MARCHF1: variants seen among roughly 807,000 people sequenced by gnomAD.
MARCHF1 encodes the protein membrane associated ring-CH-type finger 1.
Under a neutral mutation model 54.2 loss-of-function variants are expected in MARCHF1, and 40 were observed. That is an observed-to-expected ratio of 0.74 (90% CI 0.57 to 0.96). MARCHF1 has a LOEUF of 0.96. Among genes scored for constraint, MARCHF1 ranks in the 40% least tolerant of loss-of-function variants. The probability of loss-of-function intolerance (pLI) is 0.00; values close to 1 mark genes in which losing one functional copy is unlikely to be tolerated. For synonymous variants in MARCHF1, 236 were observed against 236.3 expected (o/e 1.00, Z 0.01); for missense variants, 586 against 656.5 (o/e 0.89, Z 1.17).
chr4:163,577,828 A>C (rs1410121623), intron 8 of MARCHF1, among the ~76,000 whole-genome samples: 1 of 151,966 alleles, frequency 6.6e-6, no homozygotes, highest in South Asian at 2.1e-4. Flanking sequence ...TCAAAAGACC[A>C]GTATTCAAGC....
intron 2 of MARCHF1, among the ~76,000 whole-genome samples, chr4:164,050,526 A>G (rs1754341727): frequency 6.6e-6 from 1 of 151,926 alleles, no homozygotes; most frequent in South Asian, 2.1e-4. Context: ...ATGTTATCTC[A>G]TCTCCATTAC....
chr4:163,546,504 C>G (rs1738911878), intron 8 of MARCHF1, among the ~76,000 whole-genome samples: 1 of 152,166 alleles, frequency 6.6e-6, no homozygotes, highest in African/African-American at 2.4e-5. Context: ...CTTGGATTAT[C>G]ACACAACTGG....
intron 2 of MARCHF1, among the ~76,000 whole-genome samples, chr4:164,052,164 T>A (rs548926107): frequency 8.6e-5 from 13 of 152,040 alleles, no homozygotes; most frequent in African/African-American, 2.2e-4. Context: ...TTGTATTTTT[T>A]AAAAAAATAT....
At chr4:163,837,165 T>C (rs1239736867) in intron 4 of MARCHF1, among the ~76,000 whole-genome samples, 2 of 152,146 alleles carry the variant, frequency 1.3e-5, no homozygotes, top group Non-Finnish European at 2.9e-5. Flanking sequence ...GGAAGCAATA[T>C]GTGTCAGAAG....
At chr4:163,664,435 A>C (rs930380980) in intron 5 of MARCHF1, among the ~76,000 whole-genome samples, 2 of 152,110 alleles carry the variant, frequency 1.3e-5, no homozygotes, top group African/African-American at 4.8e-5. Context: ...ATGACAAAGA[A>C]TGCTTAAATA....
chr4:163,770,536 AC>A (rs1747125090), intron 4 of MARCHF1, among the ~76,000 whole-genome samples: 1 of 132,782 alleles, frequency 7.5e-6, no homozygotes, highest in African/African-American at 2.8e-5. Flanking sequence ...ACACACACAC[AC>A]ACACACACAC....
intron 3 of MARCHF1, among the ~76,000 whole-genome samples, chr4:163,986,389 T>C (rs1183388728): frequency 6.6e-6 from 1 of 150,850 alleles, no homozygotes; most frequent in Non-Finnish European, 1.5e-5. Context: ...CTCAGCCTCC[T>C]GAGTAGCTGG....
intron 1 of MARCHF1, among the ~76,000 whole-genome samples, chr4:164,195,740 A>T (rs1315291321): frequency 6.6e-6 from 1 of 152,198 alleles, no homozygotes; most frequent in Non-Finnish European, 1.5e-5. Flanking sequence ...GACACTTCAC[A>T]TATGGTCCCT....
intron 1 of MARCHF1, among the ~76,000 whole-genome samples, chr4:164,340,737 T>C (rs1561009065): frequency 6.6e-6 from 1 of 151,702 alleles, no homozygotes; most frequent in African/African-American, 2.4e-5. Flanking sequence ...TTTCATATTT[T>C]TAATAGAGAC....
intron 3 of MARCHF1, among the ~76,000 whole-genome samples, chr4:163,903,599 C>A (rs200493445): frequency 1.9e-5 from 2 of 105,400 alleles, no homozygotes; most frequent in African/African-American, 8.6e-5. Flanking sequence ...TTTATTTTTT[C>A]TTTCTTTCTT....
intron 1 of MARCHF1, among the ~76,000 whole-genome samples, chr4:164,252,351 A>AAACAT (rs1217623989): frequency 7.5e-6 from 1 of 133,928 alleles, no homozygotes; most frequent in Non-Finnish European, 1.6e-5. Context: ...AAACAAAACA[A>AAACAT]AACAAAGCAA....
intron 1 of MARCHF1, among the ~76,000 whole-genome samples, chr4:164,264,818 G>T (rs1349838603): frequency 6.6e-6 from 1 of 151,886 alleles, no homozygotes; most frequent in Non-Finnish European, 1.5e-5. Context: ...TACTAGGGAG[G>T]CTGAGGTAGG....
intron 1 of MARCHF1, among the ~76,000 whole-genome samples, chr4:164,235,073 A>G (rs10002736): frequency 0.93 from 141,386 of 152,132 alleles, 65,734 homozygotes; most frequent in African/African-American, 0.94. Context: ...CCTCACACTC[A>G]TTAAAGAAGG....
chr4:163,893,294 A>T (rs1023580985), intron 3 of MARCHF1, among the ~76,000 whole-genome samples: 24 of 152,014 alleles, frequency 1.6e-4, no homozygotes, highest in African/African-American at 5.8e-4. Flanking sequence ...ACCTGCCACC[A>T]CACCTGGCTA....
rs530246556 is a variant in MARCHF1, at chr4:163,551,662, T to A, written c.1192-5919A>T. ...CTGTGTCCCCACCTAAATCTCATGT[T>A]GAATTGTAGCTCCCATAATTCCCAA... On this transcript the variant is annotated intron_variant, in intron 8 of 9. Transcript: ENST00000514618. 2.0e-5 allele frequency among the ~76,000 whole-genome samples: 3 copies of A among 152,344 alleles called. No homozygotes were observed. The South Asian group carries it at 6.2e-4, about 32-fold the overall frequency.
intron 1 of MARCHF1, among the ~76,000 whole-genome samples, chr4:164,239,857 T>G (rs1411520980): frequency 2.0e-5 from 3 of 152,182 alleles, no homozygotes; most frequent in African/African-American, 7.2e-5. Flanking sequence ...GATTTTATAT[T>G]TATGAAAATC....
rs1738171754 is a variant in MARCHF1 at position 163,527,692 on chromosome 4, A to C, written c.*1056T>G. 6.6e-6 allele frequency: 1 copy of C among 152,110 alleles called. No homozygotes were observed. Among genetic ancestry groups the C allele is most frequent in the Admixed American group, 6.6e-5 (1 of 15,256 alleles). The allele number at this position is 152,110 out of a possible 1,614,324, so 9.4% of individuals were successfully genotyped here. A position where few individuals can be genotyped will look rare whatever the true frequency, so the allele number is the denominator to read the frequency against. On this transcript the variant is annotated 3_prime_UTR_variant, in exon 10 of 10. Transcript: ENST00000514618. ...TTTTGAAATACTCAACAACTGTTAA[A>C]TAAAGCAGAAGCTTAGTCTCTAATT...
rs142126403 is a variant in MARCHF1 at position 164,156,840 on chromosome 4, T to C, written c.-322-45178A>G. Among the ~76,000 whole-genome samples the C allele has an allele frequency of 3.5e-4, 54 of 152,328 alleles. 1 individual carries two copies. In the East Asian group the frequency reaches 0.01, roughly 29 times the overall value. On this transcript the variant is annotated intron_variant, in intron 1 of 9. Transcript: ENST00000514618. ...TGTTTATAGGCCCATTTTGAGTACC[T>C]ATGATATGCAAAAACTCCACCAGCT...
Position 164,225,032 on chromosome 4 carries a change from C to T in MARCHF1, c.-322-113370G>A, listed in dbSNP as rs180923365. On this transcript the variant is annotated intron_variant, in intron 1 of 9. Coordinates refer to ENST00000514618, the MANE Select transcript of MARCHF1 (RefSeq NM_001394959.1). ...TTTCTTTGTTGTCACTAAGACTTCC[C>T]TAATCCCCCTAACAGATGTCATTGC... Among the ~76,000 whole-genome samples, 4 of 152,112 alleles carry T rather than the reference C, an allele frequency of 2.6e-5. No individual in the cohort carries two copies. In the East Asian group the frequency reaches 5.8e-4, roughly 22 times the overall value.
Sources: gnomAD v4.1 joint callset for allele counts (sites outside exome capture counted in the v4.1 genomes callset) on GRCh38, gnomAD v4.1.1 for gene constraint, MANE v1.5 for transcripts, NCBI Gene and HGNC (gene_info 2026-07-23, HGNC 2026-07-21) for gene names.